The following LRRC7 variants were observed in gnomAD, a reference collection of about 807,000 sequenced individuals.
LRRC7 encodes the protein leucine rich repeat containing 7.
In LRRC7, 23 loss-of-function variants were observed where a neutral mutation model predicts 175.7. That is an observed-to-expected ratio of 0.13 (90% CI 0.09 to 0.19). The LOEUF is 0.19. LRRC7 is among the 10% of genes least tolerant of loss of function. The pLI is 1.00. For synonymous variants in LRRC7, 685 were observed against 680.9 expected (o/e 1.01, Z -0.09); for missense variants, 1,354 against 1,904.7 (o/e 0.71, Z 5.38).
intron 25 of LRRC7, among the ~76,000 whole-genome samples, chr1:70,098,059 C>A (rs1664539944): frequency 6.6e-6 from 1 of 151,730 alleles, no homozygotes; most frequent in Non-Finnish European, 1.5e-5. Flanking sequence ...AATGGTTGAA[C>A]TAGTTTACAG....
At chr1:70,075,067 T>G (rs1162018523) in intron 23 of LRRC7, among the ~76,000 whole-genome samples, 3 of 152,062 alleles carry the variant, frequency 2.0e-5, no homozygotes, top group Non-Finnish European at 4.4e-5. Flanking sequence ...GGAAAGAAAA[T>G]GAATTCAGGA....
chr1:69,747,361 G>A (rs1372401557), intron 2 of LRRC7, among the ~76,000 whole-genome samples: 3 of 152,146 alleles, frequency 2.0e-5, no homozygotes, highest in Non-Finnish European at 4.4e-5. Flanking sequence ...GGGACATAAG[G>A]TGCCTGTATG....
intron 2 of LRRC7, among the ~76,000 whole-genome samples, chr1:69,743,291 T>G (rs1285073743): frequency 6.6e-6 from 1 of 152,018 alleles, no homozygotes; most frequent in Non-Finnish European, 1.5e-5. Context: ...GAGAGTAACT[T>G]ACATCCTGAG....
At chr1:70,115,424 G>A (rs1008239013) in intron 26 of LRRC7, among the ~76,000 whole-genome samples, 5 of 151,392 alleles carry the variant, frequency 3.3e-5, no homozygotes, top group East Asian at 3.9e-4. Context: ...GGCCTTCCCC[G>A]CTCTATTTGC....
intron 2 of LRRC7, among the ~76,000 whole-genome samples, chr1:69,741,281 T>C (rs1290976651): frequency 2.0e-5 from 3 of 152,062 alleles, no homozygotes; most frequent in Non-Finnish European, 4.4e-5. Flanking sequence ...CATGGAGCAT[T>C]CCTATACTAT....
At chr1:69,981,891 A>G (rs1394810041) in intron 9 of LRRC7, among the ~76,000 whole-genome samples, 1 of 152,226 alleles carries the variant, frequency 6.6e-6, no homozygotes, top group Non-Finnish European at 1.5e-5. Flanking sequence ...CCTATGAAGT[A>G]AGTTCTACTA....
At chr1:69,931,700 GAAGTT>G in intron 8 of LRRC7, 130 bp downstream of exon 8, 1 of 740,658 alleles carries the variant, frequency 1.4e-6, no homozygotes, top group South Asian at 1.8e-5. Flanking sequence ...TAAAAACCTG[GAAGTT>G]AATATTAGCT....
At chr1:69,574,313 CAG>C (rs1183125953) in intron 1 of LRRC7, among the ~76,000 whole-genome samples, 1 of 151,964 alleles carries the variant, frequency 6.6e-6, no homozygotes, top group Non-Finnish European at 1.5e-5. Context: ...AGCAGAAAAA[CAG>C]AGCTAACAGA....
At chr1:69,721,860 A>G (rs1034520160) in intron 2 of LRRC7, among the ~76,000 whole-genome samples, 1 of 151,894 alleles carries the variant, frequency 6.6e-6, no homozygotes, top group Non-Finnish European at 1.5e-5. Context: ...TTGTGTGAAA[A>G]TATACATAAA....
intron 7 of LRRC7, among the ~76,000 whole-genome samples, chr1:69,893,762 T>G (rs779603136): frequency 5.9e-5 from 9 of 152,190 alleles, no homozygotes; most frequent in Non-Finnish European, 8.8e-5. Context: ...ATATGCTATT[T>G]TAAGAGATTT....
At chr1:70,073,579 AGTT>A (rs1329870382) in intron 23 of LRRC7, among the ~76,000 whole-genome samples, 3 of 152,216 alleles carry the variant, frequency 2.0e-5, no homozygotes, top group African/African-American at 7.2e-5. Flanking sequence ...ATCCATAAGC[AGTT>A]ATTAATTTTC....
At chr1:69,572,398 AAAG>A (rs1160511329) in intron 1 of LRRC7, among the ~76,000 whole-genome samples, 3 of 152,264 alleles carry the variant, frequency 2.0e-5, no homozygotes, top group South Asian at 2.1e-4. Context: ...ACCTAAATCA[AAAG>A]AAGGAGATTC....
intron 2 of LRRC7, among the ~76,000 whole-genome samples, chr1:69,717,634 C>G (rs1368916947): frequency 2.0e-5 from 3 of 151,136 alleles, no homozygotes; most frequent in African/African-American, 7.3e-5. Context: ...TTCAGTTGGG[C>G]CAACTTCATA....
intron 10 of LRRC7, among the ~76,000 whole-genome samples, chr1:69,991,341 G>A (rs971622488): frequency 1.3e-5 from 2 of 152,106 alleles, no homozygotes; most frequent in African/African-American, 4.8e-5. Context: ...GACAGACTAG[G>A]ATAGGTAGGT....
intron 4 of LRRC7, among the ~76,000 whole-genome samples, chr1:69,809,414 A>G (rs2101132769): frequency 6.6e-6 from 1 of 152,258 alleles, no homozygotes; most frequent in South Asian, 2.1e-4. Context: ...TTCCTCCCTA[A>G]CTCATTTTAT....
At chr1:69,954,222 A>G (rs1329008792) in intron 8 of LRRC7, among the ~76,000 whole-genome samples, 1 of 152,004 alleles carries the variant, frequency 6.6e-6, no homozygotes, top group Non-Finnish European at 1.5e-5. Flanking sequence ...GGAGATTGAC[A>G]TAATCAAAGG....
At chr1:69,932,995 C>G (rs1405892857) in intron 8 of LRRC7, among the ~76,000 whole-genome samples, 1 of 152,202 alleles carries the variant, frequency 6.6e-6, no homozygotes, top group East Asian at 1.9e-4. Context: ...TTGGGCATTG[C>G]TATACTCAGC....
chr1:70,073,140 T>C (rs1049451294), intron 23 of LRRC7, among the ~76,000 whole-genome samples: 4 of 152,126 alleles, frequency 2.6e-5, no homozygotes, highest in African/African-American at 9.7e-5. Context: ...TATTGTGAAG[T>C]TTAAAGAGGT....
At chr1:69,570,655 C>A (rs185572314) in intron 1 of LRRC7, among the ~76,000 whole-genome samples, 57 of 152,138 alleles carry the variant, frequency 3.7e-4, no homozygotes, top group Middle Eastern at 3.4e-3. Flanking sequence ...GGAACTACCA[C>A]GAGGTGTTTT....
Sources: allele counts gnomAD v4.1 joint callset (sites outside exome capture counted in the v4.1 genomes callset), GRCh38; gene constraint gnomAD v4.1.1; transcripts MANE v1.5; gene names NCBI Gene and HGNC (gene_info 2026-07-23, HGNC 2026-07-21).